The following CPLX2 variants were observed in gnomAD, a reference collection of about 807,000 sequenced individuals.
The protein encoded by CPLX2 is complexin-2.
Under a neutral mutation model 16.3 loss-of-function variants are expected in CPLX2, and 5 were observed. That is an observed-to-expected ratio of 0.31 (90% confidence interval 0.16 to 0.64). The LOEUF is 0.64. Ranked by LOEUF, CPLX2 falls within the 30% of genes least tolerant of loss-of-function variation. The pLI, the probability that CPLX2 is intolerant of heterozygous loss-of-function variation, is 0.79. For synonymous variants in CPLX2, 89 were observed against 73.2 expected (o/e 1.22, Z -1.10); for missense variants, 144 against 181.4 (o/e 0.79, Z 1.18).
At chr5:175,843,159 G>A (rs1758976894) in intron 2 of CPLX2, among the ~76,000 whole-genome samples, 1 of 152,170 alleles carries the variant, frequency 6.6e-6, no homozygotes, top group Admixed American at 6.5e-5. Flanking sequence ...AGGGTCCAGA[G>A]CCAGTCTCTG....
chr5:175,863,435 C>G (rs79281561), intron 2 of CPLX2, among the ~76,000 whole-genome samples: 2 of 152,174 alleles, frequency 1.3e-5, no homozygotes, highest in African/African-American at 4.8e-5. Context: ...TGAACAAGGG[C>G]TTAACCTCTC....
chr5:175,878,909 G>C lies in CPLX2; in HGVS notation c.33G>C (p.Gly11=), dbSNP rs751120600. MDFVMKQALG[G]ATKDMGKMLG... ...CTCCTTCCCACCCCTTCCTCGTAGG[G>C]GCCACAAAGGACATGGGGAAGATGC... Residue 11 remains glycine, a splice_region_variant and synonymous_variant, in exon 3 of 4, where the codon GGG becomes GGC. Coordinates refer to ENST00000393745, the MANE Select transcript of CPLX2 (RefSeq NM_001008220.2). 6.2e-7 allele frequency: 1 copy of C among 1,612,922 alleles called. No individual in the cohort carries two copies. Among genetic ancestry groups the C allele is most frequent in the Middle Eastern group, 1.7e-4 (1 of 6,050 alleles).
At chr5:175,866,999 C>A (rs567951254), upstream of CPLX2, among the ~76,000 whole-genome samples, 3 of 152,228 alleles carry the variant, frequency 2.0e-5, no homozygotes, top group African/African-American at 7.2e-5. Context: ...CACTTGAGCT[C>A]AGGACTTCAG....
At chr5:175,867,066 C>A (rs541813744), upstream of CPLX2, among the ~76,000 whole-genome samples, 2 of 152,080 alleles carry the variant, frequency 1.3e-5, no homozygotes, top group Non-Finnish European at 2.9e-5. Context: ...CAGAGCAAGA[C>A]CCTGTATCTA....
chr5:175,879,047 G>T lies in CPLX2; in HGVS notation c.171G>T (p.Ala57=). The change falls in exon 3 of 4, where the codon GCG becomes GCT. Residue 57 remains alanine (A), a synonymous_variant. Coordinates refer to ENST00000393745, the MANE Select transcript of CPLX2 (RefSeq NM_001008220.2). The part of the protein sequence containing the change: ...ERKAKHARME[A]EREKVRQQIR... ...AGGCCAAGCACGCGCGCATGGAGGC[G>T]GAGCGGGAGAAGGTCCGGCAGCAGA... The T allele has an allele frequency of 6.3e-7, 1 of 1,586,402 alleles. No homozygotes were observed. Among genetic ancestry groups the T allele is most frequent in the East Asian group, 2.3e-5 (1 of 43,252 alleles).
intron 2 of CPLX2, among the ~76,000 whole-genome samples, chr5:175,826,361 C>A (rs139217486): frequency 6.6e-6 from 1 of 152,064 alleles, no homozygotes; most frequent in South Asian, 2.1e-4. Context: ...AGGGCAGGAG[C>A]GCAAGGCTGG....
chr5:175,846,316 T>C (rs530918258), intron 2 of CPLX2, among the ~76,000 whole-genome samples: 1 of 152,032 alleles, frequency 6.6e-6, no homozygotes, highest in Non-Finnish European at 1.5e-5. Flanking sequence ...GGATGAAGAG[T>C]CAAGAGGGCT....
At chr5:175,871,437 G>GAGAGAA (rs1759601154), upstream of CPLX2, 1 of 63,480 alleles carries the variant, frequency 1.6e-5, no homozygotes, top group African/African-American at 5.4e-5. Flanking sequence ...GAGAGACAGA[G>GAGAGAA]AGAGAGAGAG....
intron 2 of CPLX2, among the ~76,000 whole-genome samples, chr5:175,825,165 G>C (rs1758588165): frequency 6.6e-6 from 1 of 152,136 alleles, no homozygotes; most frequent in Non-Finnish European, 1.5e-5. Flanking sequence ...GGGAGGCCAA[G>C]ACAGGCAGAT....
chr5:175,842,001 A>G (rs1410766099), intron 2 of CPLX2, among the ~76,000 whole-genome samples: 2 of 152,236 alleles, frequency 1.3e-5, no homozygotes, highest in Non-Finnish European at 2.9e-5. Flanking sequence ...ACACCATTCA[A>G]TCAGCCACAA....
At chr5:175,820,827 CA>C (rs1758493037) in intron 2 of CPLX2, among the ~76,000 whole-genome samples, 1 of 152,182 alleles carries the variant, frequency 6.6e-6, no homozygotes, top group South Asian at 2.1e-4. Flanking sequence ...AGACAATAAA[CA>C]AATATATGGA....
At chr5:175,865,779 C>T (rs1759464663) in intron 2 of CPLX2, among the ~76,000 whole-genome samples, 1 of 152,164 alleles carries the variant, frequency 6.6e-6, no homozygotes, top group Non-Finnish European at 1.5e-5. Context: ...ACCTGCGGAG[C>T]TGGGCAAAAG....
chr5:175,800,646 G>T (rs1191023977), intron 1 of CPLX2, among the ~76,000 whole-genome samples: 1 of 152,162 alleles, frequency 6.6e-6, no homozygotes, highest in Non-Finnish European at 1.5e-5. Flanking sequence ...TAGCTGAACT[G>T]CAATATGTAA....
At chr5:175,837,966 T>G (rs1758868024) in intron 2 of CPLX2, 1 of 152,172 alleles carries the variant, frequency 6.6e-6, no homozygotes, top group African/African-American at 2.4e-5. Context: ...AGCAAGGTAA[T>G]TACAGCTCGT....
rs1396099986 is a variant in CPLX2, at chr5:175,872,553, G to A, written c.-89+848G>A. 1.3e-5 allele frequency among the ~76,000 whole-genome samples: 2 copies of A among 152,062 alleles called. No homozygotes were observed. The highest frequency in any genetic ancestry group is 1.9e-4 in the East Asian group (1 of 5,166). On this transcript the variant is annotated intron_variant, in intron 1 of 3. Transcript: ENST00000393745. The surrounding 1 kb of genome is among the most constrained non-coding windows in gnomAD (Gnocchi z 5.0). ...CGCGGGGGTCCGGGAGAGGGGCGCC[G>A]GGGTTCCTGTCCTCTCTTCTGGCCG...
chr5:175,796,881 G>A (rs904179543), intron 1 of CPLX2: 1 of 152,260 alleles, frequency 6.6e-6, no homozygotes, highest in Admixed American at 6.5e-5. Flanking sequence ...GCGCTCGAGA[G>A]CTTCCTAGAG....
rs1481328416 is a variant in CPLX2 at position 175,821,096 on chromosome 5, T to C, written c.-89+12028T>C. Among the ~76,000 whole-genome samples the C allele has an allele frequency of 4.6e-5, 7 of 152,042 alleles. 1 individual carries two copies. Among genetic ancestry groups the C allele is most frequent in the South Asian group, 4.2e-4 (2 of 4,818 alleles). On this transcript the variant is annotated intron_variant, in intron 2 of 4. Coordinates refer to the CPLX2 transcript ENST00000359546. Reference sequence around the variant, plus strand: ...CTCCTGACCCCTGGCACTTCCTCCATCCACCAGCTTCTCCCCTCCCGCCCC... The same window carrying C: ...CTCCTGACCCCTGGCACTTCCTCCACCCACCAGCTTCTCCCCTCCCGCCCC...
chr5:175,859,578 C>G (rs549807505), intron 2 of CPLX2, among the ~76,000 whole-genome samples: 1 of 152,350 alleles, frequency 6.6e-6, no homozygotes, highest in African/African-American at 2.4e-5. Flanking sequence ...GAACAGATGG[C>G]ACCTGCCCAA....
intron 1 of CPLX2, among the ~76,000 whole-genome samples, chr5:175,807,685 C>T (rs1758233997): frequency 1.9e-5 from 1 of 51,758 alleles, no homozygotes; most frequent in Non-Finnish European, 3.9e-5. Context: ...GTCATTCACC[C>T]ACTTACTCAT....
Sources: gnomAD v4.1 joint callset for allele counts (sites outside exome capture counted in the v4.1 genomes callset) on GRCh38, gnomAD v4.1.1 for gene constraint, Gnocchi (gnomAD v3.1) non-coding constraint, MANE v1.5 for transcripts, NCBI Gene and HGNC (gene_info 2026-07-23, HGNC 2026-07-21) for gene names.